TLCD4: variants seen among roughly 807,000 people sequenced by gnomAD.
TLCD4 encodes the protein TLC domain-containing protein 4.
TLCD4 carries 7 observed loss-of-function variants against 24.2 expected under a neutral mutation model. The observed-to-expected ratio is 0.29, with a 90% CI of 0.16 to 0.54. TLCD4 has a LOEUF of 0.54. Among genes scored for constraint, TLCD4 ranks in the 20% least tolerant of loss-of-function variants. TLCD4 has a pLI of 0.95. For missense variants in TLCD4, 259 were observed against 313.9 expected (o/e 0.82, Z 1.32); for synonymous variants, 103 against 106.4 (o/e 0.97, Z 0.20).
intron 5 of TLCD4, among the ~76,000 whole-genome samples, chr1:95,169,841 C>T (rs1298605805): frequency 1.3e-5 from 2 of 152,088 alleles, no homozygotes; most frequent in Non-Finnish European, 2.9e-5. Context: ...CACCATTGCG[C>T]CCAGCCTAAA....
rs908156083 is a variant in TLCD4, at chr1:95,197,546, G to A, written c.*5678G>A. ...TCTTGTGCTAGAACACTACCACAAT[G>A]TGGTGCAAAGCTTTGTATTTTGTGG... On this transcript the variant is annotated 3_prime_UTR_variant, in exon 7 of 7. Coordinates refer to ENST00000370203, the MANE Select transcript of TLCD4 (RefSeq NM_152487.3). 3.3e-5 allele frequency: 5 copies of A among 152,024 alleles called. No individual in the cohort carries two copies. Among genetic ancestry groups the A allele is most frequent in the African/African-American group, 7.2e-5 (3 of 41,380 alleles). The allele number at this position is 152,024 out of a possible 1,614,324, so 9.4% of individuals were successfully genotyped here.
chr1:95,133,705 G>A (rs1355655623), intron 1 of TLCD4, among the ~76,000 whole-genome samples: 1 of 152,012 alleles, frequency 6.6e-6, no homozygotes, highest in African/African-American at 2.4e-5. Flanking sequence ...ACTCTGAGAG[G>A]GTTGGTTGGA....
At chr1:95,126,077 T>C (rs1026931845) in intron 1 of TLCD4, among the ~76,000 whole-genome samples, 22 of 146,924 alleles carry the variant, frequency 1.5e-4, no homozygotes, top group African/African-American at 5.6e-4. Context: ...GGATCACTTG[T>C]GTTCAGTAGT....
intron 5 of TLCD4, among the ~76,000 whole-genome samples, chr1:95,166,188 G>A (rs1678013652): frequency 6.6e-6 from 1 of 152,146 alleles, no homozygotes. Flanking sequence ...TCCACCCTAA[G>A]CTGAGGGCAA....
At chr1:95,166,269 A>G (rs1052894603) in intron 5 of TLCD4, among the ~76,000 whole-genome samples, 3 of 152,196 alleles carry the variant, frequency 2.0e-5, no homozygotes, top group African/African-American at 7.2e-5. Context: ...TTCAGAGGCC[A>G]TTTCAACCAT....
chr1:95,176,508 T>C (rs948547441), intron 6 of TLCD4, among the ~76,000 whole-genome samples: 3 of 152,174 alleles, frequency 2.0e-5, no homozygotes, highest in Non-Finnish European at 2.9e-5. Flanking sequence ...CATTTTTAAA[T>C]TGGGTTATTT....
At chr1:95,174,065 C>T in intron 6 of TLCD4, 176 bp downstream of exon 6, 1 of 884,986 alleles carries the variant, frequency 1.1e-6, no homozygotes, top group South Asian at 1.9e-5. Flanking sequence ...GAGTAACTTA[C>T]CCAAGTTTCC....
chr1:95,153,384 A>G (rs559653430), intron 5 of TLCD4, among the ~76,000 whole-genome samples: 2 of 152,254 alleles, frequency 1.3e-5, no homozygotes, highest in African/African-American at 4.8e-5. Flanking sequence ...AGAACTAATA[A>G]CATATTGGAC....
intron 1 of TLCD4, among the ~76,000 whole-genome samples, chr1:95,126,251 A>G (rs977944159): frequency 1.3e-5 from 2 of 151,476 alleles, no homozygotes; most frequent in Non-Finnish European, 1.5e-5. Flanking sequence ...ACATGACAAA[A>G]CCCCATCTCC....
chr1:95,157,412 A>G (rs1677664401), intron 5 of TLCD4, among the ~76,000 whole-genome samples: 1 of 152,230 alleles, frequency 6.6e-6, no homozygotes, highest in South Asian at 2.1e-4. Flanking sequence ...CAAGGAACCT[A>G]TCAAAGACTA....
At chr1:95,156,822 A>G (rs1219235536) in intron 5 of TLCD4, among the ~76,000 whole-genome samples, 1 of 152,114 alleles carries the variant, frequency 6.6e-6, no homozygotes, top group African/African-American at 2.4e-5. Flanking sequence ...CAGTTTGGAG[A>G]GATACTGTGA....
At chr1:95,174,036 G>A in intron 6 of TLCD4, 147 bp downstream of exon 6, 3 of 1,241,828 alleles carry the variant, frequency 2.4e-6, no homozygotes, top group Non-Finnish European at 3.3e-6. Context: ...AATGAGGAAA[G>A]TGAGTTTTGG....
At chr1:95,167,730 A>G (rs1406351611) in intron 5 of TLCD4, among the ~76,000 whole-genome samples, 2 of 152,272 alleles carry the variant, frequency 1.3e-5, no homozygotes, top group South Asian at 2.1e-4. Context: ...ATCTTGAGTT[A>G]AAAGAACCTG....
chr1:95,181,024 T>C (rs1448793178), intron 6 of TLCD4, among the ~76,000 whole-genome samples: 1 of 152,178 alleles, frequency 6.6e-6, no homozygotes, highest in East Asian at 1.9e-4. Flanking sequence ...TTGAACCCAG[T>C]TGGTGGAGGT....
chr1:95,160,382 C>T (rs924426660), intron 5 of TLCD4, among the ~76,000 whole-genome samples: 11 of 152,318 alleles, frequency 7.2e-5, no homozygotes, highest in Admixed American at 7.2e-4. Context: ...GCTGAAGTTG[C>T]TTATCAGCTT....
the TLCD4 span, among the ~76,000 whole-genome samples, chr1:95,105,909 A>G: frequency 6.7e-6 from 1 of 150,338 alleles, no homozygotes; most frequent in Non-Finnish European, 1.5e-5. Flanking sequence ...AAAAAAAAAA[A>G]AAAGAAAAGA....
intron 1 of TLCD4, among the ~76,000 whole-genome samples, chr1:95,121,493 C>T (rs1021457902): frequency 6.6e-6 from 1 of 152,202 alleles, no homozygotes; most frequent in African/African-American, 2.4e-5. Context: ...CTTTTTGAGA[C>T]AGGGTCTCGC....
intron 5 of TLCD4, among the ~76,000 whole-genome samples, chr1:95,156,880 G>C: frequency 6.6e-6 from 1 of 152,110 alleles, no homozygotes. Flanking sequence ...GGGGAAAGTG[G>C]CCCATATGCC....
chr1:95,120,735 A>G (rs1472889805), intron 1 of TLCD4, among the ~76,000 whole-genome samples: 7 of 152,246 alleles, frequency 4.6e-5, no homozygotes, highest in Non-Finnish European at 8.8e-5. Context: ...TTTTCAGACT[A>G]CAACAGTACA....
Sources: allele counts gnomAD v4.1 joint callset (sites outside exome capture counted in the v4.1 genomes callset), GRCh38; gene constraint gnomAD v4.1.1; transcripts MANE v1.5; gene names NCBI Gene and HGNC (gene_info 2026-07-23, HGNC 2026-07-21).